Variants in COL4A4 observed in about 807,000 individuals in gnomAD.
The protein encoded by COL4A4 is collagen type IV alpha 4 chain, also known as collagen alpha-4(IV) chain.
COL4A4 carries 105 observed loss-of-function variants against 192.9 expected under a neutral mutation model. That is an observed-to-expected ratio of 0.54 (90% CI 0.46 to 0.64). COL4A4 has a LOEUF of 0.64. Ranked by LOEUF, COL4A4 falls within the 30% of genes least tolerant of loss-of-function variation. The pLI, the probability that COL4A4 is intolerant of heterozygous loss-of-function variation, is 0.00. For missense variants in COL4A4, 1,967 were observed against 2,169.3 expected (o/e 0.91, Z 1.85); for synonymous variants, 762 against 769.9 (o/e 0.99, Z 0.17).
At chr2:227,010,527 A>G (rs1316020796) in intron 45 of COL4A4, 26 bp from the exon 46 acceptor site, 2 of 1,512,066 alleles carry the variant, frequency 1.3e-6, no homozygotes, top group East Asian at 2.3e-5. Context: ...AAAAAAATTG[A>G]AGGCAGGTTA....
chr2:227,109,745 C>CAAAAAAAAAAAAAAAAAAAAA (rs1354853344), intron 9 of COL4A4, among the ~76,000 whole-genome samples: 1 of 100,158 alleles, frequency 1.0e-5, no homozygotes, highest in Non-Finnish European at 2.1e-5. Flanking sequence ...GACTCTGTCT[C>CAAAAAAAAAAAAAAAAAAAAA]AAAAAAAAAA....
At chr2:227,132,232 T>G (rs1356877679) in intron 4 of COL4A4, among the ~76,000 whole-genome samples, 1 of 152,138 alleles carries the variant, frequency 6.6e-6, no homozygotes, top group Non-Finnish European at 1.5e-5. Context: ...TGTCTCATCT[T>G]TTCCCTGATG....
At chr2:227,125,078 C>G (rs2062007164) in intron 4 of COL4A4, among the ~76,000 whole-genome samples, 1 of 151,972 alleles carries the variant, frequency 6.6e-6, no homozygotes, top group Non-Finnish European at 1.5e-5. Context: ...ATCCAGTGAG[C>G]TAATGGGAAG....
Position 227,078,187 on chromosome 2 carries a change from A to G in COL4A4, c.1804-110T>C, listed in dbSNP as rs1356249645. On this transcript the variant is annotated intron_variant, in intron 24 of 47. Transcript: ENST00000396625. ...GCAAAAGTCCATAATTTCAGGAGAC[A>G]GTTACTCTTAAGCAAATGTAAGTTT... 11 of 1,013,080 alleles carry G rather than the reference A, an allele frequency of 1.1e-5. No homozygotes were observed. The East Asian group carries it at 2.5e-4, about 23-fold the overall frequency. 62.8% of individuals were successfully genotyped at this position (1,013,080 alleles called of 1,614,324 possible).
rs1449204399 is a variant in COL4A4, at chr2:227,119,924, G to A, written c.343C>T (p.Pro115Ser). The A allele has an allele frequency of 6.3e-7, 1 of 1,582,404 alleles. No homozygotes were observed. The highest frequency in any genetic ancestry group is 8.6e-7 in the Non-Finnish European group (1 of 1,163,000). The change falls in exon 6 of 48, where the codon CCT becomes TCT. Residue 115 changes from proline to serine, a missense_variant. Transcript: ENST00000396625. Reference sequence around the variant, plus strand: ...ATGCCATCTAAACCTGGAAATCCAGGAACACCAGTTGGACCCTAAAATCCC... The same window carrying A: ...ATGCCATCTAAACCTGGAAATCCAGAAACACCAGTTGGACCCTAAAATCCC... ...DKGDKGPTGV[P>S]GFPGLDGIPG...
chr2:227,064,900 G>C (rs144382004), intron 25 of COL4A4, among the ~76,000 whole-genome samples: 4 of 152,334 alleles, frequency 2.6e-5, no homozygotes, highest in African/African-American at 9.6e-5. Context: ...TGGCCGAATA[G>C]GAACAGCTCC....
chr2:226,967,917 G>C, the COL4A4 span, among the ~76,000 whole-genome samples: 1 of 152,134 alleles, frequency 6.6e-6, no homozygotes, highest in African/African-American at 2.4e-5. Context: ...TCTGTAACCT[G>C]TTGGTAGGTG....
chr2:227,093,749 T>C lies in COL4A4; in HGVS notation c.1369+376A>G, dbSNP rs552586160. Reference sequence around the variant, plus strand: ...TCCATTTAGCCAGCTCTATGTATGTTAAACGCTTTCTCTATTGCAATTCCC... The same window carrying C: ...TCCATTTAGCCAGCTCTATGTATGTCAAACGCTTTCTCTATTGCAATTCCC... On this transcript the variant is annotated intron_variant, in intron 20 of 47. Transcript: ENST00000396625. Among the ~76,000 whole-genome samples the C allele has an allele frequency of 7.9e-5, 12 of 152,302 alleles. No homozygotes were observed. The East Asian group carries it at 2.3e-3, about 29-fold the overall frequency.
At chr2:227,152,308 C>T (rs1393797532) in intron 1 of COL4A4, among the ~76,000 whole-genome samples, 1 of 152,172 alleles carries the variant, frequency 6.6e-6, no homozygotes, top group Non-Finnish European at 1.5e-5. Context: ...TTGGATAGAG[C>T]AATTCTACAA....
At chr2:227,067,095 C>T (rs1262047224) in intron 25 of COL4A4, among the ~76,000 whole-genome samples, 3 of 151,798 alleles carry the variant, frequency 2.0e-5, no homozygotes, top group Non-Finnish European at 2.9e-5. Flanking sequence ...GACTTTAAAC[C>T]AACAAAGATC....
intron 4 of COL4A4, among the ~76,000 whole-genome samples, chr2:227,127,167 C>T (rs989122308): frequency 1.3e-5 from 2 of 152,236 alleles, no homozygotes; most frequent in African/African-American, 4.8e-5. Flanking sequence ...ATGCACAGCA[C>T]CCCTGGGTTT....
chr2:227,022,647 CA>C (rs1257820216), intron 43 of COL4A4: 2 of 475,046 alleles, frequency 4.2e-6, no homozygotes, highest in Non-Finnish European at 8.7e-6. Flanking sequence ...CAGTCACTAA[CA>C]TAGAATTTCA....
chr2:227,073,525 A>G (rs2058838521), intron 25 of COL4A4, among the ~76,000 whole-genome samples: 1 of 152,102 alleles, frequency 6.6e-6, no homozygotes, highest in Admixed American at 6.6e-5. Context: ...ATCATTTTTC[A>G]TAGAATTAGA....
At position 227,104,844 on chromosome 2, in the gene COL4A4, T is replaced by G. The variant is rs573499109; in HGVS notation, c.736-792A>C. On this transcript the variant is annotated intron_variant, in intron 12 of 47. Transcript: ENST00000396625. ...TAGTAGAGACGGGGGTTTCTCCATG[T>G]TGGTCAGGCTGGTCTCGAACTCCGG... 5.3e-5 allele frequency among the ~76,000 whole-genome samples: 8 copies of G among 151,406 alleles called. No individual in the cohort carries two copies. The South Asian group carries it at 1.7e-3, about 31-fold the overall frequency.
intron 43 of COL4A4, among the ~76,000 whole-genome samples, chr2:227,022,952 T>G (rs905422446): frequency 6.6e-6 from 1 of 152,186 alleles, no homozygotes; most frequent in African/African-American, 2.4e-5. Context: ...TTTGTTTAAC[T>G]CCCACGATGA....
chr2:227,065,898 A>T (rs1423855177), intron 25 of COL4A4, among the ~76,000 whole-genome samples: 3 of 152,264 alleles, frequency 2.0e-5, no homozygotes, highest in Non-Finnish European at 2.9e-5. Context: ...GAGCTGAGAG[A>T]AGAAGGCTTC....
chr2:227,036,432 T>C (rs1969691630), intron 37 of COL4A4, among the ~76,000 whole-genome samples: 1 of 152,194 alleles, frequency 6.6e-6, no homozygotes. Context: ...GTTTTAGCAC[T>C]GAAATTTCTA....
intron 30 of COL4A4, among the ~76,000 whole-genome samples, chr2:227,055,258 C>T (rs1975044665): frequency 1.3e-5 from 2 of 151,848 alleles, no homozygotes; most frequent in East Asian, 1.9e-4. Flanking sequence ...CTCAGACCTG[C>T]AATCCTGGCA....
rs1219482562 is a variant in COL4A4, at chr2:227,007,380, C to CTT, written c.5016_5017dup (p.Ser1673LysfsTer16). On this transcript the variant is annotated frameshift_variant, in exon 48 of 48. Transcript: ENST00000396625. LOFTEE classifies it high-confidence loss of function. ...GCTGATTTTCTGGCGTTGGGCCTGG[C>CTT]TTTCTTTTAAGGTGTCTGGTGCTGG... The CTT allele has an allele frequency of 6.2e-7, 1 of 1,614,096 alleles. No individual in the cohort carries two copies. The highest frequency in any genetic ancestry group is 8.5e-7 in the Non-Finnish European group (1 of 1,180,054).
Sources: gnomAD v4.1 joint callset for allele counts (sites outside exome capture counted in the v4.1 genomes callset) on GRCh38, gnomAD v4.1.1 for gene constraint, MANE v1.5 for transcripts, NCBI Gene and HGNC (gene_info 2026-07-23, HGNC 2026-07-21) for gene names.